ZCWPW2: variants seen among roughly 807,000 people sequenced by gnomAD.
ZCWPW2 encodes the protein zinc finger CW-type PWWP domain protein 2.
Under a neutral mutation model 46.6 loss-of-function variants are expected in ZCWPW2, and 45 were observed. That is an observed-to-expected ratio of 0.96 (90% CI 0.76 to 1.24). The LOEUF is 1.24. Among genes scored for constraint, ZCWPW2 ranks in the 50% most tolerant of loss-of-function variants. The pLI, the probability that ZCWPW2 is intolerant of heterozygous loss-of-function variation, is 0.00. For synonymous variants in ZCWPW2, 152 were observed against 137.1 expected (o/e 1.11, Z -0.76); for missense variants, 429 against 403.9 (o/e 1.06, Z -0.53).
rs111383620 is a variant in ZCWPW2 at position 28,352,126 on chromosome 3, GCACACA to G, written c.-134+2959_-134+2964del. 3.8e-3 allele frequency among the ~76,000 whole-genome samples: 490 copies of G among 129,698 alleles called. 3 individuals are homozygous for G. The highest frequency in any genetic ancestry group is 0.011 in the African/African-American group (389 of 34,524). 85.1% of individuals were successfully genotyped at this position (129,698 alleles called of 152,430 possible). ...TCCTTTCCCTCTATCTCAGATGTAT[GCACACA>G]CACACACACACACACACACACACAC... On this transcript the variant is annotated intron_variant, in intron 1 of 9. Transcript: ENST00000383768.
chr3:28,391,022 T>C (rs1370142911), intron 2 of ZCWPW2, among the ~76,000 whole-genome samples: 3 of 152,124 alleles, frequency 2.0e-5, no homozygotes, highest in Non-Finnish European at 4.4e-5. Context: ...CAGATAGGGA[T>C]TGAAGGTGAT....
chr3:28,390,505 C>G lies in ZCWPW2; in HGVS notation c.-126C>G, dbSNP rs1293822920. 1.0e-6 allele frequency: 1 copy of G among 984,988 alleles called. No individual in the cohort carries two copies. The highest frequency in any genetic ancestry group is 1.1e-4 in the East Asian group (1 of 8,808). The allele number at this position is 984,988 out of a possible 1,614,324, so 61.0% of individuals were successfully genotyped here. ...GATGTATAACTTCTTCAGATTCATC[C>G]CAGTAGAACGCCTGCCTCTTTAGTG... is the stretch of plus-strand genomic sequence containing the variant. On this transcript the variant is annotated 5_prime_UTR_variant, in exon 2 of 10. Transcript: ENST00000383768.
In ZCWPW2 at chr3:28,524,769, A is replaced by G. The variant is rs1451264873; in HGVS notation, c.*81A>G. 3.4e-6 allele frequency: 4 copies of G among 1,184,662 alleles called. No homozygotes were observed. The African/African-American group carries it at 4.8e-5, about 14-fold the overall frequency. 73.4% of individuals were successfully genotyped at this position (1,184,662 alleles called of 1,614,324 possible). ...CAAAGTTAAAACTTTAAAAATGTTT[A>G]GTGAAATAGGTATAAATTATACCAA... is the stretch of plus-strand genomic sequence containing the variant. On this transcript the variant is annotated 3_prime_UTR_variant, in exon 10 of 10. Coordinates refer to ENST00000383768, the MANE Select transcript of ZCWPW2 (RefSeq NM_001040432.4).
chr3:28,477,893 A>G (rs1263622951), intron 4 of ZCWPW2, among the ~76,000 whole-genome samples: 1 of 152,112 alleles, frequency 6.6e-6, no homozygotes, highest in Non-Finnish European at 1.5e-5. Flanking sequence ...CTTTTTGCTG[A>G]GTTTTAAAAT....
At chr3:28,515,075 T>C (rs1006851764) in intron 7 of ZCWPW2, among the ~76,000 whole-genome samples, 3 of 152,230 alleles carry the variant, frequency 2.0e-5, no homozygotes, top group African/African-American at 7.2e-5. Flanking sequence ...AGTGACTTTC[T>C]CAAGACCTTA....
At chr3:28,445,194 T>C (rs759203699) in intron 4 of ZCWPW2, among the ~76,000 whole-genome samples, 1 of 150,232 alleles carries the variant, frequency 6.7e-6, no homozygotes, top group Non-Finnish European at 1.5e-5. Context: ...TATATATATA[T>C]ATATATATTT....
chr3:28,357,577 G>C (rs1240511165), intron 1 of ZCWPW2, among the ~76,000 whole-genome samples: 1 of 151,766 alleles, frequency 6.6e-6, no homozygotes, highest in Non-Finnish European at 1.5e-5. Flanking sequence ...GGGAGAATTC[G>C]TGCTCTCTCT....
Position 28,365,775 on chromosome 3 carries a change from A to G in ZCWPW2, c.-134+16572A>G, listed in dbSNP as rs1476512170. Among the ~76,000 whole-genome samples, 4 of 141,220 alleles carry G rather than the reference A, an allele frequency of 2.8e-5. 1 individual carries two copies. Among genetic ancestry groups the G allele is most frequent in the Admixed American group, 1.5e-4 (2 of 13,230 alleles). 92.6% of individuals were successfully genotyped at this position (141,220 alleles called of 152,430 possible). A position where few individuals can be genotyped will look rare whatever the true frequency, so the allele number is the denominator to read the frequency against. On this transcript the variant is annotated intron_variant, in intron 1 of 9. Transcript: ENST00000383768. ...TTCACAATATTGATTCTTCCTACCC[A>G]TGAGCATGGAATGTTCTTCCATTTG...
At chr3:28,375,840 G>A (rs1559478943) in intron 1 of ZCWPW2, among the ~76,000 whole-genome samples, 1 of 150,964 alleles carries the variant, frequency 6.6e-6, no homozygotes, top group Non-Finnish European at 1.5e-5. Flanking sequence ...CTATGTCCAT[G>A]AATTCAATTG....
intron 4 of ZCWPW2, among the ~76,000 whole-genome samples, chr3:28,444,755 G>T (rs1418610661): frequency 6.6e-6 from 1 of 152,226 alleles, no homozygotes; most frequent in Non-Finnish European, 1.5e-5. Flanking sequence ...AGTTAGAATC[G>T]CTGAGTTCAT....
intron 1 of ZCWPW2, among the ~76,000 whole-genome samples, chr3:28,382,506 C>CT (rs1202078763): frequency 2.0e-5 from 3 of 152,100 alleles, no homozygotes; most frequent in Admixed American, 6.5e-5. Flanking sequence ...GAGATTAGAA[C>CT]TTTAACATGT....
intron 2 of ZCWPW2, among the ~76,000 whole-genome samples, chr3:28,397,537 G>T (rs891721476): frequency 2.0e-5 from 3 of 152,118 alleles, no homozygotes; most frequent in Non-Finnish European, 4.4e-5. Context: ...GGGCTTGGTG[G>T]CAAGCACCTG....
intron 3 of ZCWPW2, among the ~76,000 whole-genome samples, chr3:28,434,591 A>G (rs924528775): frequency 4.6e-5 from 7 of 152,158 alleles, no homozygotes; most frequent in Non-Finnish European, 1.0e-4. Context: ...GCAGAGCTCT[A>G]TTTCTGCTTT....
intron 3 of ZCWPW2, among the ~76,000 whole-genome samples, chr3:28,426,811 T>G (rs748105236): frequency 6.6e-6 from 1 of 152,208 alleles, no homozygotes; most frequent in African/African-American, 2.4e-5. Flanking sequence ...TCTCCACTTA[T>G]ACATCCAAAC....
rs1014439945 is a variant in ZCWPW2, at chr3:28,525,411, A to C, written c.*723A>C. 2.6e-5 allele frequency among the ~76,000 whole-genome samples: 4 copies of C among 151,740 alleles called. No individual in the cohort carries two copies. Among genetic ancestry groups the C allele is most frequent in the Non-Finnish European group, 4.4e-5 (3 of 67,946 alleles). ...AAATCTAACAATATAGAAAGTAAAA[A>C]CTCATCATTTTTCAGGGATTCTCAT... is the stretch of plus-strand genomic sequence containing the variant. On this transcript the variant is annotated 3_prime_UTR_variant, in exon 10 of 10. Coordinates refer to ENST00000383768, the MANE Select transcript of ZCWPW2 (RefSeq NM_001040432.4).
rs1553629708 is a variant in ZCWPW2 at position 28,373,459 on chromosome 3, T to TG, written c.-133-17039_-133-17038insG. ...TATTGGCCATTTGTATGTTGTTTTT[T>TG]TTTGTTTGTTTGTTTGTTTGTTTTT... On this transcript the variant is annotated intron_variant, in intron 1 of 9. Transcript: ENST00000383768. Among the ~76,000 whole-genome samples the TG allele has an allele frequency of 4.9e-3, 747 of 152,100 alleles. 11 individuals are homozygous for TG. Among genetic ancestry groups the TG allele is most frequent in the African/African-American group, 0.017 (694 of 41,490 alleles).
intron 4 of ZCWPW2, among the ~76,000 whole-genome samples, chr3:28,452,019 G>C (rs1468620024): frequency 1.3e-5 from 2 of 152,088 alleles, no homozygotes; most frequent in African/African-American, 4.8e-5. Flanking sequence ...CATCATTTTA[G>C]GTTTTGTCCT....
chr3:28,385,910 T>A (rs1019373977), intron 1 of ZCWPW2, among the ~76,000 whole-genome samples: 2 of 152,022 alleles, frequency 1.3e-5, no homozygotes, highest in African/African-American at 2.4e-5. Context: ...TTTCTTACAC[T>A]CTCTTTATCT....
intron 8 of ZCWPW2, 107 bp from the exon 9 acceptor site, chr3:28,520,885 A>G: frequency 7.6e-7 from 1 of 1,320,378 alleles, no homozygotes; most frequent in Non-Finnish European, 1.1e-6. Context: ...TTTATATTTT[A>G]CCTTGTAGCA....
Sources: gnomAD v4.1 joint callset for allele counts (sites outside exome capture counted in the v4.1 genomes callset) on GRCh38, gnomAD v4.1.1 for gene constraint, MANE v1.5 for transcripts, NCBI Gene and HGNC (gene_info 2026-07-23, HGNC 2026-07-21) for gene names.